Variants in ZDHHC5 observed in about 807,000 individuals in gnomAD.
ZDHHC5 encodes the protein zDHHC palmitoyltransferase 5.
A neutral mutation model predicts 70.0 loss-of-function variants in ZDHHC5; 22 were observed. The ratio of observed to expected loss-of-function variants is 0.31; its 90% CI spans 0.22 to 0.45. The LOEUF (loss-of-function observed/expected upper bound fraction) is 0.45, where lower values mean the gene tolerates loss of function less well. Ranked by LOEUF, ZDHHC5 falls within the 20% of genes least tolerant of loss-of-function variation. ZDHHC5 has a pLI of 1.00. For synonymous variants in ZDHHC5, 313 were observed against 347.8 expected (o/e 0.90, Z 1.11); for missense variants, 746 against 926.9 (o/e 0.80, Z 2.53).
rs765653753 is a variant in ZDHHC5, at chr11:57,673,115, T to G, written c.25T>G (p.Phe9Val). 16 of 1,613,994 alleles carry G rather than the reference T, an allele frequency of 9.9e-6. No homozygotes were observed. Among genetic ancestry groups the G allele is most frequent in the Admixed American group, 1.7e-5 (1 of 60,016 alleles). The change falls in exon 2 of 12, where the codon TTC becomes GTC. Residue 9 changes from phenylalanine to valine, a missense_variant. Around this residue, in one of 6 missense-constraint regions of ZDHHC5, gnomAD observed 89 missense variants for 130.7 expected, o/e 0.68. Transcript: ENST00000287169. The part of the protein sequence containing the change: MPAESGKR[F>V]KPSKYVPVSA... Reference sequence around the variant, plus strand: ...CATGCCCGCAGAGTCTGGAAAGAGATTCAAACCCAGCAAGTATGTCCCGGT... The same window carrying G: ...CATGCCCGCAGAGTCTGGAAAGAGAGTCAAACCCAGCAAGTATGTCCCGGT...
intron 11 of ZDHHC5, 131 bp downstream of exon 11, chr11:57,699,549 C>A: frequency 7.4e-7 from 1 of 1,357,022 alleles, no homozygotes; most frequent in East Asian, 2.4e-5. Flanking sequence ...TCTTTATTTT[C>A]ACTTTGACTC....
At chr11:57,685,402 G>A (rs756277435) in intron 3 of ZDHHC5, among the ~76,000 whole-genome samples, 3 of 152,244 alleles carry the variant, frequency 2.0e-5, no homozygotes, top group Non-Finnish European at 4.4e-5. Context: ...TGTAATCCCA[G>A]CACTTTGGGA....
Position 57,696,049 on chromosome 11 carries a change from G to A in ZDHHC5, c.1009+6G>A, listed in dbSNP as rs1272473522. On this transcript the variant is annotated splice_donor_region_variant and intron_variant, in intron 9 of 11. Coordinates refer to ENST00000287169, the MANE Select transcript of ZDHHC5 (RefSeq NM_015457.3). The stretch of plus-strand genomic sequence containing the variant: ...CGGCTTGGCTACTAATGAGGGTAAG[G>A]GCTGCCTTGATTTGCAAGATACTAG... 3 of 1,606,370 alleles carry A rather than the reference G, an allele frequency of 1.9e-6. No individual in the cohort carries two copies. Among genetic ancestry groups the A allele is most frequent in the East Asian group, 2.2e-5 (1 of 44,804 alleles).
chr11:57,674,446 A>C (rs2135378741), intron 2 of ZDHHC5, among the ~76,000 whole-genome samples: 1 of 152,056 alleles, frequency 6.6e-6, no homozygotes, highest in East Asian at 1.9e-4. Context: ...CTCTAGTTGC[A>C]GCTCTTGGAA....
chr11:57,679,836 G>A (rs1189949385), intron 2 of ZDHHC5, among the ~76,000 whole-genome samples: 2 of 152,070 alleles, frequency 1.3e-5, no homozygotes, highest in African/African-American at 2.4e-5. Context: ...TTGGTGGGGT[G>A]TTCCCTTATA....
At chr11:57,670,506 A>G (rs1945991862) in intron 1 of ZDHHC5, among the ~76,000 whole-genome samples, 1 of 152,164 alleles carries the variant, frequency 6.6e-6, no homozygotes. Flanking sequence ...CTACAAATCA[A>G]GAGTTTGCTT....
chr11:57,690,203 C>T lies in ZDHHC5; in HGVS notation c.557C>T (p.Thr186Ile), dbSNP rs760580339. 9 of 1,613,886 alleles carry T rather than the reference C, an allele frequency of 5.6e-6. No homozygotes were observed. Among genetic ancestry groups the T allele is most frequent in the African/African-American group, 2.7e-5 (2 of 74,874 alleles). The change falls in exon 5 of 12, where the codon ACA (threonine) becomes ATA (isoleucine). Residue 186 changes from threonine to isoleucine, a missense_variant and splice_region_variant. By Grantham distance (89) the Thr-to-Ile change is moderately conservative. Coordinates refer to ENST00000287169, the MANE Select transcript of ZDHHC5 (RefSeq NM_015457.3). ...CTCTCAGGGGTCCGCACGGCTGTCACGTATCCTTCAAGGCCTTTTAGATTG... is the reference window on the plus strand; with the variant it reads ...CTCTCAGGGGTCCGCACGGCTGTCATGTATCCTTCAAGGCCTTTTAGATTG... ...EELSGVRTAV[T>I]MAVMCVAGLF...
chr11:57,684,266 C>T (rs1000151027), intron 3 of ZDHHC5, among the ~76,000 whole-genome samples: 11 of 152,286 alleles, frequency 7.2e-5, no homozygotes, highest in East Asian at 1.9e-4. Flanking sequence ...TGAGCCACCG[C>T]GCCTGGCCCA....
rs1250624194 is a variant in ZDHHC5 at position 57,694,675 on chromosome 11, T to C, written c.885+760T>C. 2.6e-5 allele frequency among the ~76,000 whole-genome samples: 4 copies of C among 152,368 alleles called. No homozygotes were observed. The South Asian group carries it at 8.3e-4, about 32-fold the overall frequency. ...CTGCACCCGGCCCTACATTAGACTTTAAGTTCATTAACAATAGAAAATGAA... is the reference window on the plus strand; with the variant it reads ...CTGCACCCGGCCCTACATTAGACTTCAAGTTCATTAACAATAGAAAATGAA... On this transcript the variant is annotated intron_variant, in intron 8 of 11. Coordinates refer to ENST00000287169, the MANE Select transcript of ZDHHC5 (RefSeq NM_015457.3).
rs1946406632 is a variant in ZDHHC5 at position 57,699,301 on chromosome 11, C to T, written c.1865C>T (p.Pro622Leu). 4 of 1,614,212 alleles carry T rather than the reference C, an allele frequency of 2.5e-6. No individual in the cohort carries two copies. Among genetic ancestry groups the T allele is most frequent in the South Asian group, 2.2e-5 (2 of 91,084 alleles). ...CTAAGGGGCCGGGGAGTAGGGTCCCCTGAACCAGGCCCAACAGCCCCATAC... is the reference window on the plus strand; with the variant it reads ...CTAAGGGGCCGGGGAGTAGGGTCCCTTGAACCAGGCCCAACAGCCCCATAC... ...DGLRGRGVGS[P>L]EPGPTAPYLG... is the part of the protein sequence containing the mutation. Residue 622 changes from proline (P) to leucine (L), a missense_variant, in exon 11 of 12, where the codon CCT becomes CTT. Physicochemically the swap from Pro to Leu is moderately conservative, Grantham distance 98. Transcript: ENST00000287169.
Position 57,670,461 on chromosome 11 carries a change from CTG to C in ZDHHC5, c.-1070-1556_-1070-1555del, listed in dbSNP as rs1342860802. 6.7e-5 allele frequency among the ~76,000 whole-genome samples: 10 copies of C among 148,732 alleles called. 1 individual carries two copies. The highest frequency in any genetic ancestry group is 2.7e-4 in the Admixed American group (4 of 14,886). ...CTTCAGCCTGGGTGACAGAGGGAAA[CTG>C]TGTTTCAAAAAAAAAAAAAAAGTAC... On this transcript the variant is annotated intron_variant, in intron 1 of 11. Coordinates refer to ENST00000287169, the MANE Select transcript of ZDHHC5 (RefSeq NM_015457.3).
At chr11:57,669,748 C>T (rs1237334055) in intron 1 of ZDHHC5, among the ~76,000 whole-genome samples, 1 of 152,198 alleles carries the variant, frequency 6.6e-6, no homozygotes, top group East Asian at 1.9e-4. Context: ...CGTGAGCCCC[C>T]GTGCCCAGCT....
intron 1 of ZDHHC5, among the ~76,000 whole-genome samples, chr11:57,671,107 G>C (rs955166290): frequency 3.9e-5 from 6 of 152,208 alleles, no homozygotes; most frequent in African/African-American, 1.4e-4. Flanking sequence ...TGTGTCACCA[G>C]AGGGGCATGT....
At chr11:57,693,736 G>T (rs1946314485) in intron 7 of ZDHHC5, 47 bp from the exon 8 acceptor site, 1 of 1,496,230 alleles carries the variant, frequency 6.7e-7, no homozygotes, top group African/African-American at 1.4e-5. Flanking sequence ...ATAAATGAAT[G>T]AAAGCTCTCT....
intron 1 of ZDHHC5, among the ~76,000 whole-genome samples, chr11:57,669,977 T>G (rs1945983956): frequency 6.6e-6 from 1 of 152,226 alleles, no homozygotes; most frequent in Non-Finnish European, 1.5e-5. Flanking sequence ...CTCTTTTGTG[T>G]TCCCAGTATT....
intron 2 of ZDHHC5, among the ~76,000 whole-genome samples, chr11:57,677,286 T>C (rs1052257014): frequency 1.4e-5 from 2 of 138,380 alleles, no homozygotes; most frequent in African/African-American, 5.3e-5. Context: ...TCACGTGATT[T>C]TTTTTTTTTT....
In ZDHHC5 at chr11:57,698,568, G is replaced by C. The variant is rs752838265; in HGVS notation, c.1132G>C (p.Gly378Arg). The C allele has an allele frequency of 2.5e-6, 4 of 1,605,302 alleles. No homozygotes were observed. In the African/African-American group the frequency reaches 4.0e-5, roughly 16 times the overall value. The change falls in exon 11 of 12, where the codon GGG (glycine) becomes CGG (arginine). Residue 378 changes from glycine (G) to arginine (R), a missense_variant. Physicochemically the swap from Gly to Arg is moderately radical, Grantham distance 125. This residue lies in a region of ZDHHC5 where 179 missense variants were observed against 178.4 expected (regional missense o/e 1.00). Coordinates refer to ENST00000287169, the MANE Select transcript of ZDHHC5 (RefSeq NM_015457.3). The stretch of plus-strand genomic sequence containing the variant: ...TTACTTTCTTCCTCAGTTGAGTCGT[G>C]GGGACAGCTTGAAGGAGCCAACCTC... ...PHSSSAKLSR[G>R]DSLKEPTSIA...
intron 8 of ZDHHC5, among the ~76,000 whole-genome samples, chr11:57,694,786 C>A (rs1946328874): frequency 6.6e-6 from 1 of 152,266 alleles, no homozygotes; most frequent in East Asian, 1.9e-4. Context: ...TTTAAATGGG[C>A]AAATAAGTGA....
At position 57,673,079 on chromosome 11, in the gene ZDHHC5, C is replaced by T; in HGVS notation, c.-12C>T. On this transcript the variant is annotated 5_prime_UTR_variant, in exon 2 of 12. Transcript: ENST00000287169. ...CTATGCGGCAGGGCAGATTTCCCAT[C>T]AGAGCTCCAACATGCCCGCAGAGTC... is the stretch of plus-strand genomic sequence containing the variant. 1 of 1,613,772 alleles carries T rather than the reference C, an allele frequency of 6.2e-7. No homozygotes were observed. Among genetic ancestry groups the T allele is most frequent in the Non-Finnish European group, 8.5e-7 (1 of 1,179,740 alleles).
Sources: gnomAD v4.1 joint callset for allele counts (sites outside exome capture counted in the v4.1 genomes callset) on GRCh38, gnomAD v4.1.1 for gene constraint, gnomAD v4.1.1 regional missense constraint, MANE v1.5 for transcripts, NCBI Gene and HGNC (gene_info 2026-07-23, HGNC 2026-07-21) for gene names.